Variants in PABPC4 observed in about 807,000 individuals in gnomAD.
The protein encoded by PABPC4 is polyadenylate-binding protein 4.
Under a neutral mutation model 74.5 loss-of-function variants are expected in PABPC4, and 15 were observed. That is an observed-to-expected ratio of 0.20 (90% CI 0.13 to 0.31). The LOEUF is 0.31. Among genes scored for constraint, PABPC4 ranks in the 10% least tolerant of loss-of-function variants. The probability of loss-of-function intolerance (pLI) is 1.00; values close to 1 mark genes in which losing one functional copy is unlikely to be tolerated. For synonymous variants in PABPC4, 345 were observed against 303.0 expected (o/e 1.14, Z -1.44); for missense variants, 610 against 853.5 (o/e 0.71, Z 3.55).
chr1:39,562,208 G>A lies in PABPC4; in HGVS notation c.1763-5C>T. On this transcript the variant is annotated splice_polypyrimidine_tract_variant and splice_region_variant and intron_variant, in intron 13 of 15. Coordinates refer to ENST00000372858, the MANE Select transcript of PABPC4 (RefSeq NM_001135653.2). ...TGAGTGGGAACAAGCGTTCTCCTAT[G>A]GGGAGGATAGTTAATAAAAAAACAA... 6.2e-7 allele frequency: 1 copy of A among 1,614,070 alleles called. No homozygotes were observed. Among genetic ancestry groups the A allele is most frequent in the Non-Finnish European group, 8.5e-7 (1 of 1,179,934 alleles).
At position 39,563,841 on chromosome 1, in the gene PABPC4, G is replaced by A; in HGVS notation, c.1535C>T (p.Ser512Phe). Reference protein sequence around the residue: ...AQQGLTDSCQSGGVPTAVQNL... With the variant: ...AQQGLTDSCQFGGVPTAVQNL... ...CTGTGTGCATCCAATACCACCTCCAGACTGGCAGCTGTCAGTCAGCCCTTG... is the reference window on the plus strand; with the variant it reads ...CTGTGTGCATCCAATACCACCTCCAAACTGGCAGCTGTCAGTCAGCCCTTG... Residue 512 changes from serine (S) to phenylalanine (F), a missense_variant, in exon 11 of 16, where the codon TCT becomes TTT. Around this residue, in one of 4 missense-constraint regions of PABPC4, gnomAD observed 277 missense variants for 301.8 expected, o/e 0.92. Coordinates refer to ENST00000372858, the MANE Select transcript of PABPC4 (RefSeq NM_001135653.2). 1 of 1,614,212 alleles carries A rather than the reference G, an allele frequency of 6.2e-7. No individual in the cohort carries two copies. Among genetic ancestry groups the A allele is most frequent in the Non-Finnish European group, 8.5e-7 (1 of 1,180,038 alleles).
intron 6 of PABPC4, 29 bp downstream of exon 6, chr1:39,568,773 A>T (rs557169665): frequency 1.9e-6 from 3 of 1,602,142 alleles, no homozygotes; most frequent in Non-Finnish European, 2.6e-6. Flanking sequence ...AGCAAATCCC[A>T]TTGCTAGGCT....
In PABPC4 at chr1:39,576,613, G is replaced by A. The variant is rs572532007; in HGVS notation, c.-662C>T. The A allele has an allele frequency of 2.0e-5, 3 of 149,498 alleles. No homozygotes were observed. The highest frequency in any genetic ancestry group is 4.5e-5 in the Non-Finnish European group (3 of 66,990). 9.3% of individuals were successfully genotyped at this position (149,498 alleles called of 1,614,324 possible). On this transcript the variant is annotated 5_prime_UTR_variant, in exon 1 of 16. Transcript: ENST00000372858. ...CGCTGCGGCGGCGGGCGCGGGGCAG[G>A]CCGGAAGCGTACGAAAGTGACTTCC...
chr1:39,561,871 G>A (rs1645774273), intron 14 of PABPC4, 84 bp from the exon 15 acceptor site: 2 of 1,309,410 alleles, frequency 1.5e-6, no homozygotes, highest in Non-Finnish European at 1.1e-6. Context: ...GTGGACCAAA[G>A]CCAACTGTAC....
intron 8 of PABPC4, 28 bp from the exon 9 acceptor site, chr1:39,564,801 C>A (rs1165890239): frequency 6.4e-7 from 1 of 1,552,208 alleles, no homozygotes; most frequent in Non-Finnish European, 8.9e-7. Flanking sequence ...ACCCAAACAC[C>A]CCCTTAAGGA....
intron 3 of PABPC4, 42 bp downstream of exon 3, chr1:39,571,192 C>G (rs1352543803): frequency 6.2e-7 from 1 of 1,612,794 alleles, no homozygotes; most frequent in Non-Finnish European, 8.5e-7. Flanking sequence ...GGGGCCACGG[C>G]TGGCTCATGC....
At chr1:39,564,247 C>T in intron 10 of PABPC4, 176 bp downstream of exon 10, 1 of 701,762 alleles carries the variant, frequency 1.4e-6, no homozygotes. Context: ...GCAACTGACA[C>T]ACCTAGAACT....
chr1:39,571,122 C>G (rs777238175), intron 3 of PABPC4, 112 bp downstream of exon 3: 156 of 1,574,394 alleles, frequency 9.9e-5, no homozygotes, highest in Admixed American at 1.2e-4. Context: ...GAGGTAGGAG[C>G]AGGCCACACT....
intron 14 of PABPC4, 124 bp from the exon 15 acceptor site, chr1:39,561,911 A>T: frequency 1.7e-6 from 2 of 1,170,870 alleles, no homozygotes; most frequent in Non-Finnish European, 2.5e-6. Context: ...GGTGCTAACT[A>T]CTTTCCCAAA....
chr1:39,566,053 A>C (rs1645836138), intron 7 of PABPC4, among the ~76,000 whole-genome samples: 1 of 152,170 alleles, frequency 6.6e-6, no homozygotes, highest in African/African-American at 2.4e-5. Context: ...ACAACCTCTA[A>C]GGTATCTAGG....
chr1:39,572,591 AAGAG>A lies in PABPC4; in HGVS notation c.194-9_194-6del, dbSNP rs748460750. ...TGGTGTCCAAAGCCCGCTCAGCTGT[AAGAG>A]AGAAACACATTTCAATAAGGAGAGA... is the stretch of plus-strand genomic sequence containing the variant. On this transcript the variant is annotated splice_region_variant and splice_polypyrimidine_tract_variant and intron_variant, in intron 1 of 15. Transcript: ENST00000372858. 88 of 1,610,510 alleles carry A rather than the reference AAGAG, an allele frequency of 5.5e-5. No homozygotes were observed. Among genetic ancestry groups the A allele is most frequent in the Non-Finnish European group, 7.0e-5 (82 of 1,177,456 alleles).
chr1:39,568,727 C>G (rs1475077785), intron 6 of PABPC4, 75 bp downstream of exon 6: 10 of 1,404,602 alleles, frequency 7.1e-6, no homozygotes, highest in Non-Finnish European at 9.8e-6. Flanking sequence ...AAAAAGAAAG[C>G]CCGCTAAACA....
chr1:39,576,008 G>C lies in PABPC4; in HGVS notation c.-57C>G. The C allele has an allele frequency of 1.6e-6, 2 of 1,265,630 alleles. No individual in the cohort carries two copies. Among genetic ancestry groups the C allele is most frequent in the Non-Finnish European group, 2.1e-6 (2 of 947,012 alleles). 78.4% of individuals were successfully genotyped at this position (1,265,630 alleles called of 1,614,324 possible). A position where few individuals can be genotyped will look rare whatever the true frequency, so the allele number is the denominator to read the frequency against. ...AGGAGGACTTCTTATCGGGCCCGCC[G>C]CAGGACAAAGGGGCGCCTTCGGAGC... On this transcript the variant is annotated 5_prime_UTR_variant, in exon 1 of 16. Coordinates refer to ENST00000372858, the MANE Select transcript of PABPC4 (RefSeq NM_001135653.2).
rs139487666 is a variant in PABPC4 at position 39,566,656 on chromosome 1, A to G, written c.972+1095T>C. ...GTGCATCACTCCATAACTCTCTACC[A>G]ATGAGATGGGCCAGTAAGGTATGTG... On this transcript the variant is annotated intron_variant, in intron 7 of 15. Coordinates refer to ENST00000372858, the MANE Select transcript of PABPC4 (RefSeq NM_001135653.2). Among the ~76,000 whole-genome samples the G allele has an allele frequency of 4.4e-3, 677 of 152,306 alleles. 4 individuals are homozygous for G. Among genetic ancestry groups the G allele is most frequent in the African/African-American group, 0.016 (646 of 41,566 alleles).
intron 3 of PABPC4, chr1:39,570,955 C>T: frequency 1.0e-6 from 1 of 972,124 alleles, no homozygotes; most frequent in South Asian, 1.7e-5. Context: ...GAGCTGCTTT[C>T]CAGCCAGCCC....
intron 11 of PABPC4, 37 bp from the exon 12 acceptor site, chr1:39,563,778 T>C: frequency 6.2e-7 from 1 of 1,613,682 alleles, no homozygotes; most frequent in South Asian, 1.1e-5. Context: ...AGCCCATCAG[T>C]CTGGGCAAAG....
intron 12 of PABPC4, 130 bp downstream of exon 12, chr1:39,563,484 G>A: frequency 1.7e-6 from 2 of 1,204,044 alleles, no homozygotes; most frequent in Admixed American, 2.7e-5. Flanking sequence ...CAGGGACAGT[G>A]AATCAGAACA....
At chr1:39,563,216 T>C (rs567854796) in intron 12 of PABPC4, 1 of 199,846 alleles carries the variant, frequency 5.0e-6, no homozygotes, top group East Asian at 1.5e-4. Context: ...ACTTTACATC[T>C]TTGAAGCTGA....
intron 8 of PABPC4, 85 bp downstream of exon 8, chr1:39,565,021 A>G (rs1557714643): frequency 7.0e-6 from 10 of 1,431,818 alleles, no homozygotes; most frequent in Admixed American, 1.8e-5. Context: ...TAGAACTCTA[A>G]TAACGAAAAA....
Sources: gnomAD v4.1 joint callset for allele counts (sites outside exome capture counted in the v4.1 genomes callset) on GRCh38, gnomAD v4.1.1 for gene constraint, gnomAD v4.1.1 regional missense constraint, MANE v1.5 for transcripts, NCBI Gene and HGNC (gene_info 2026-07-23, HGNC 2026-07-21) for gene names.